DMXL2: variants seen among roughly 807,000 people sequenced by gnomAD.
DMXL2 encodes the protein Dmx like 2.
DMXL2 carries 103 observed loss-of-function variants against 331.1 expected under a neutral mutation model. The observed-to-expected ratio is 0.31, with a 90% confidence interval of 0.27 to 0.37. The LOEUF is 0.37. DMXL2 is among the 10% of genes least tolerant of loss of function. DMXL2 has a pLI of 1.00. For missense variants in DMXL2, 3,171 were observed against 3,642.9 expected (o/e 0.87, Z 3.33); for synonymous variants, 1,281 against 1,252.1 (o/e 1.02, Z -0.49).
At chr15:51,540,971 C>T (rs978122589) in intron 9 of DMXL2, among the ~76,000 whole-genome samples, 1 of 152,074 alleles carries the variant, frequency 6.6e-6, no homozygotes, top group Non-Finnish European at 1.5e-5. Context: ...GTTAAAAAGC[C>T]AAGGTTTCTA....
intron 13 of DMXL2, among the ~76,000 whole-genome samples, chr15:51,532,926 A>G (rs547175893): frequency 2.6e-5 from 4 of 152,304 alleles, no homozygotes; most frequent in African/African-American, 7.2e-5. Context: ...GAAATCTACC[A>G]AAAACACTCC....
intron 12 of DMXL2, 132 bp from the exon 13 acceptor site, chr15:51,535,916 C>A: frequency 1.9e-6 from 2 of 1,070,038 alleles, no homozygotes; most frequent in South Asian, 2.2e-5. Context: ...TAAACAGGCA[C>A]AATAAGTAGA....
intron 8 of DMXL2, among the ~76,000 whole-genome samples, chr15:51,543,963 A>G (rs988449351): frequency 1.3e-5 from 2 of 152,212 alleles, no homozygotes; most frequent in Non-Finnish European, 2.9e-5. Flanking sequence ...AACACGTTAC[A>G]TAAGTATAAG....
intron 15 of DMXL2, 108 bp downstream of exon 15, chr15:51,514,332 CTG>C (rs1310208914): frequency 6.2e-6 from 4 of 646,418 alleles, no homozygotes; most frequent in Non-Finnish European, 1.0e-5. Flanking sequence ...ACTGGTGAAT[CTG>C]TCAAAAATTA....
At chr15:51,452,594 T>C (rs1407602126) in intron 41 of DMXL2, among the ~76,000 whole-genome samples, 5 of 151,900 alleles carry the variant, frequency 3.3e-5, no homozygotes, top group Admixed American at 1.3e-4. Context: ...CAAAAAACAA[T>C]AGACGCTGGC....
At chr15:51,591,642 C>T (rs945784371) in intron 1 of DMXL2, among the ~76,000 whole-genome samples, 1 of 152,210 alleles carries the variant, frequency 6.6e-6, no homozygotes, top group African/African-American at 2.4e-5. Context: ...TCAAGTGGGT[C>T]CCTGACCCCC....
rs1342516902 is a variant in DMXL2 at position 51,448,965 on chromosome 15, A to G, written c.*19T>C. 1 of 1,611,798 alleles carries G rather than the reference A, an allele frequency of 6.2e-7. No individual in the cohort carries two copies. Among genetic ancestry groups the G allele is most frequent in the Non-Finnish European group, 8.5e-7 (1 of 1,178,642 alleles). On this transcript the variant is annotated 3_prime_UTR_variant, in exon 44 of 44. Coordinates refer to ENST00000560891, the MANE Select transcript of DMXL2 (RefSeq NM_001378457.1). ...TGTGCCTTTTAACTGAAATGTATAT[A>G]AAAATAAAACCCCAATCTTTATAGA...
At position 51,448,598 on chromosome 15, in the gene DMXL2, G is replaced by A; in HGVS notation, c.*386C>T. 2 of 268,096 alleles carry A rather than the reference G, an allele frequency of 7.5e-6. No individual in the cohort carries two copies. The highest frequency in any genetic ancestry group is 8.9e-5 in the South Asian group (2 of 22,586). 16.6% of individuals were successfully genotyped at this position (268,096 alleles called of 1,614,324 possible). On this transcript the variant is annotated 3_prime_UTR_variant, in exon 44 of 44. Transcript: ENST00000560891. ...CATTCAACAGAGGAGGAGACTGCAGGCATGCTTCAGTCAGTGGTAAGAACA... is the reference window on the plus strand; with the variant it reads ...CATTCAACAGAGGAGGAGACTGCAGACATGCTTCAGTCAGTGGTAAGAACA...
Position 51,517,064 on chromosome 15 carries a change from A to G in DMXL2, c.2526+14T>C. ...AAGTATACGAATATCACCAATTCAC[A>G]AGCATGTTTTTACTTGGTTGGTTAT... On this transcript the variant is annotated intron_variant, in intron 14 of 43. Transcript: ENST00000560891. The G allele has an allele frequency of 2.5e-6, 4 of 1,606,678 alleles. No individual in the cohort carries two copies. Among genetic ancestry groups the G allele is most frequent in the Non-Finnish European group, 3.4e-6 (4 of 1,173,220 alleles).
At chr15:51,617,899 G>C (rs1326765701) in intron 1 of DMXL2, among the ~76,000 whole-genome samples, 1 of 152,060 alleles carries the variant, frequency 6.6e-6, no homozygotes, top group Non-Finnish European at 1.5e-5. Context: ...ATCTACGCAG[G>C]GACATAAGAA....
At chr15:51,562,167 T>C (rs536787649) in intron 6 of DMXL2, among the ~76,000 whole-genome samples, 2 of 152,328 alleles carry the variant, frequency 1.3e-5, no homozygotes, top group Middle Eastern at 3.4e-3. Context: ...ATGGATATCC[T>C]AAATACTCTA....
intron 25 of DMXL2, among the ~76,000 whole-genome samples, chr15:51,478,932 C>A (rs900775527): frequency 1.4e-5 from 2 of 143,278 alleles, no homozygotes; most frequent in African/African-American, 5.1e-5. Flanking sequence ...TAAAAAAAAA[C>A]CCACCACCCT....
rs1008192665 is a variant in DMXL2, at chr15:51,617,346, G to A, written c.87+5113C>T. On this transcript the variant is annotated intron_variant, in intron 1 of 43. Coordinates refer to ENST00000560891, the MANE Select transcript of DMXL2 (RefSeq NM_001378457.1). ...CACCCAATACTGTACTATGACAGTCGCAGGCAACTATCATCTGCCAGGTGC... is the reference window on the plus strand; with the variant it reads ...CACCCAATACTGTACTATGACAGTCACAGGCAACTATCATCTGCCAGGTGC... Among the ~76,000 whole-genome samples, 26 of 152,140 alleles carry A rather than the reference G, an allele frequency of 1.7e-4. 1 individual carries two copies. Among genetic ancestry groups the A allele is most frequent in the Admixed American group, 6.5e-5 (1 of 15,272 alleles).
chr15:51,566,583 T>C (rs1019664289), intron 3 of DMXL2, among the ~76,000 whole-genome samples: 3 of 152,136 alleles, frequency 2.0e-5, no homozygotes, highest in Non-Finnish European at 4.4e-5. Flanking sequence ...GACTCTTAAG[T>C]AGTCCAAAAT....
intron 20 of DMXL2, among the ~76,000 whole-genome samples, chr15:51,489,024 G>C (rs2042603791): frequency 6.6e-6 from 1 of 152,190 alleles, no homozygotes; most frequent in Admixed American, 6.5e-5. Flanking sequence ...CAGTCACACA[G>C]TAAGGGTTAG....
Position 51,499,505 on chromosome 15 carries a change from G to C in DMXL2, c.3719C>G (p.Ser1240Cys). The C allele has an allele frequency of 1.9e-6, 3 of 1,614,098 alleles. No homozygotes were observed. Among genetic ancestry groups the C allele is most frequent in the Non-Finnish European group, 2.5e-6 (3 of 1,180,022 alleles). Residue 1240 changes from serine to cysteine, a missense_variant, in exon 18 of 44, where the codon TCT becomes TGT. Physicochemically the swap from Ser to Cys is moderately radical, Grantham distance 112. Coordinates refer to ENST00000560891, the MANE Select transcript of DMXL2 (RefSeq NM_001378457.1). ...WVLLRSIDLV[S>C]SVDGTPSLPV... ...CAGTGAAGGAGTACCATCAACAGAA[G>C]ATACCAAGTCTATAGATCTAAGAAG...
At chr15:51,466,375 T>G (rs2040574035) in intron 29 of DMXL2, 64 bp from the exon 30 acceptor site, 1 of 566,544 alleles carries the variant, frequency 1.8e-6, no homozygotes, top group East Asian at 5.7e-5. Context: ...AAAATATATT[T>G]TATATAACAT....
chr15:51,593,631 C>T (rs1352330370), intron 1 of DMXL2, among the ~76,000 whole-genome samples: 5 of 152,270 alleles, frequency 3.3e-5, no homozygotes, highest in East Asian at 1.9e-4. Flanking sequence ...AGCACAACAC[C>T]GCACTTATTC....
intron 1 of DMXL2, among the ~76,000 whole-genome samples, chr15:51,595,184 C>T (rs966160325): frequency 2.0e-5 from 3 of 152,196 alleles, no homozygotes; most frequent in African/African-American, 7.2e-5. Context: ...ATCATCTCAG[C>T]CCAAAATCTC....
Sources: allele counts gnomAD v4.1 joint callset (sites outside exome capture counted in the v4.1 genomes callset), GRCh38; gene constraint gnomAD v4.1.1; transcripts MANE v1.5; gene names NCBI Gene and HGNC (gene_info 2026-07-23, HGNC 2026-07-21).